RBFOX1: variants seen among roughly 807,000 people sequenced by gnomAD.
The protein encoded by RBFOX1 is RNA binding protein fox-1 homolog 1.
Under a neutral mutation model 57.7 loss-of-function variants are expected in RBFOX1, and 8 were observed. That is an observed-to-expected ratio of 0.14 (90% CI 0.08 to 0.25). RBFOX1 has a LOEUF of 0.25. Among genes scored for constraint, RBFOX1 ranks in the 10% least tolerant of loss-of-function variants. The pLI is 1.00. For missense variants in RBFOX1, 611 were observed against 548.5 expected (o/e 1.11, Z -1.14); for synonymous variants, 326 against 222.4 (o/e 1.47, Z -4.15).
At chr16:6,410,527 G>A (rs2093426194) in intron 2 of RBFOX1, among the ~76,000 whole-genome samples, 1 of 151,844 alleles carries the variant, frequency 6.6e-6, no homozygotes, top group Non-Finnish European at 1.5e-5. Context: ...TAGCCAGGAT[G>A]GTCTGGATCT....
At chr16:7,413,784 T>C (rs1173448656) in intron 4 of RBFOX1, among the ~76,000 whole-genome samples, 5 of 152,166 alleles carry the variant, frequency 3.3e-5, no homozygotes, top group Non-Finnish European at 5.9e-5. Context: ...CCTTGTAGCT[T>C]TGTAGAGCTG....
intron 1 of RBFOX1, among the ~76,000 whole-genome samples, chr16:6,257,028 G>C (rs1457401138): frequency 6.6e-6 from 1 of 152,098 alleles, no homozygotes; most frequent in South Asian, 2.1e-4. Context: ...AGAATGACTG[G>C]TTGGAGTATT....
chr16:5,650,543 G>A (rs2049201911), intron 3 of RBFOX1, among the ~76,000 whole-genome samples: 1 of 152,174 alleles, frequency 6.6e-6, no homozygotes, highest in Non-Finnish European at 1.5e-5. Flanking sequence ...TTGGCTTTGG[G>A]GAAGGCTTTT....
intron 3 of RBFOX1, among the ~76,000 whole-genome samples, chr16:6,984,936 C>T (rs1050547455): frequency 1.4e-4 from 21 of 152,022 alleles, no homozygotes; most frequent in Non-Finnish European, 2.2e-4. Flanking sequence ...ACATTGCACC[C>T]GGTACCTTCT....
chr16:5,781,299 A>T (rs1394331561), intron 3 of RBFOX1, among the ~76,000 whole-genome samples: 1 of 152,170 alleles, frequency 6.6e-6, no homozygotes, highest in South Asian at 2.1e-4. Flanking sequence ...CTTAAGGTTT[A>T]TCCATAGCCT....
At chr16:7,539,539 C>G (rs2082354076) in intron 5 of RBFOX1, among the ~76,000 whole-genome samples, 1 of 152,198 alleles carries the variant, frequency 6.6e-6, no homozygotes, top group African/African-American at 2.4e-5. Flanking sequence ...TAATGTGTTT[C>G]CTCATGTATT....
At chr16:7,177,547 C>G (rs17142786) in intron 4 of RBFOX1, among the ~76,000 whole-genome samples, 2,718 of 151,858 alleles carry the variant, frequency 0.018, 79 homozygotes, top group African/African-American at 0.062. Flanking sequence ...GGTTTTCTAC[C>G]TTGTGTCTTA....
chr16:6,543,993 C>A (rs1202947801), intron 2 of RBFOX1, among the ~76,000 whole-genome samples: 1 of 152,188 alleles, frequency 6.6e-6, no homozygotes, highest in Non-Finnish European at 1.5e-5. Flanking sequence ...TGTTGAAAAG[C>A]ACCTTGTCTC....
rs78621905 is a variant in RBFOX1 at position 5,637,447 on chromosome 16, C to T, written c.318+38486C>T. ...TGAATTGATGTCTCTGAACTTCAGA[C>T]AGTAAAGGAATAAAACCTCCTCATA... On this transcript the variant is annotated intron_variant, in intron 3 of 19. Coordinates refer to the RBFOX1 transcript ENST00000641259. 2.6e-3 allele frequency among the ~76,000 whole-genome samples: 403 copies of T among 152,262 alleles called. 9 individuals are homozygous for T. In the East Asian group the frequency reaches 0.047, roughly 18 times the overall value.
intron 4 of RBFOX1, among the ~76,000 whole-genome samples, chr16:7,491,631 A>C (rs764898771): frequency 6.6e-6 from 1 of 151,606 alleles, no homozygotes; most frequent in Non-Finnish European, 1.5e-5. Flanking sequence ...TGGGCTCTTT[A>C]TTTTATCTAT....
Position 7,063,344 on chromosome 16 carries a change from A to G in RBFOX1, c.27+11246A>G, listed in dbSNP as rs78729450. Among the ~76,000 whole-genome samples the G allele has an allele frequency of 8.3e-3, 1,264 of 152,208 alleles. 16 individuals carry two copies. The highest frequency in any genetic ancestry group is 0.028 in the African/African-American group (1,178 of 41,514). ...CCGTGCCCACAGATAAAGGATCTGT[A>G]TCAGTATCAAAGATATATCAGTATC... is the stretch of plus-strand genomic sequence containing the variant. On this transcript the variant is annotated intron_variant, in intron 4 of 15. Transcript: ENST00000550418.
intron 3 of RBFOX1, among the ~76,000 whole-genome samples, chr16:6,901,177 T>C (rs905714440): frequency 2.0e-5 from 3 of 152,150 alleles, no homozygotes; most frequent in Non-Finnish European, 2.9e-5. Context: ...GTGTCTAACA[T>C]AGGTATTCAA....
chr16:5,426,672 G>T (rs1224099601), intron 1 of RBFOX1, among the ~76,000 whole-genome samples: 2 of 152,224 alleles, frequency 1.3e-5, no homozygotes, highest in Non-Finnish European at 2.9e-5. Context: ...ACTCTCTCTG[G>T]AGAGGGAACA....
chr16:7,621,211 G>T (rs565724538), intron 10 of RBFOX1, among the ~76,000 whole-genome samples: 88 of 152,144 alleles, frequency 5.8e-4, no homozygotes, highest in African/African-American at 2.0e-3. Flanking sequence ...CATTGTTTTT[G>T]TTGTGGCTGA....
intron 3 of RBFOX1, among the ~76,000 whole-genome samples, chr16:5,836,700 G>C (rs1448626937): frequency 2.6e-5 from 4 of 152,142 alleles, no homozygotes; most frequent in African/African-American, 4.8e-5. Flanking sequence ...GTGTGTTGTA[G>C]GATGTTCAGC....
intron 3 of RBFOX1, among the ~76,000 whole-genome samples, chr16:6,984,274 C>T (rs1330041939): frequency 6.6e-6 from 1 of 152,012 alleles, no homozygotes; most frequent in African/African-American, 2.4e-5. Context: ...AATCCTGGAT[C>T]CTCCTGTACT....
At chr16:6,928,737 G>A (rs2076040848) in intron 3 of RBFOX1, among the ~76,000 whole-genome samples, 1 of 152,228 alleles carries the variant, frequency 6.6e-6, no homozygotes, top group South Asian at 2.1e-4. Flanking sequence ...ATCAATCACG[G>A]TTGCATATGT....
Position 5,332,353 on chromosome 16 carries a change from T to C in RBFOX1, c.219+92248T>C, listed in dbSNP as rs1483346734. On this transcript the variant is annotated intron_variant, in intron 1 of 2. Transcript: ENST00000585867. ...TGTGATCTCGACTCATTGCAACCTC[T>C]GCTTCCTGGGTTCCAGCATTTTTCT... Among the ~76,000 whole-genome samples, 3 of 152,188 alleles carry C rather than the reference T, an allele frequency of 2.0e-5. No individual in the cohort carries two copies. The East Asian group carries it at 5.8e-4, about 29-fold the overall frequency.
At chr16:6,735,035 C>G (rs536293184) in intron 3 of RBFOX1, among the ~76,000 whole-genome samples, 1 of 152,092 alleles carries the variant, frequency 6.6e-6, no homozygotes, top group Non-Finnish European at 1.5e-5. Context: ...TTCTCAGCTA[C>G]TTGGAAGACT....
Sources: allele counts gnomAD v4.1 joint callset (sites outside exome capture counted in the v4.1 genomes callset), GRCh38; gene constraint gnomAD v4.1.1; transcripts MANE v1.5; gene names NCBI Gene and HGNC (gene_info 2026-07-23, HGNC 2026-07-21).